SNTG2: variants seen among roughly 807,000 people sequenced by gnomAD.
SNTG2 encodes syntrophin gamma 2.
SNTG2 carries 74 observed loss-of-function variants against 70.9 expected under a neutral mutation model. That is an observed-to-expected ratio of 1.04 (90% CI 0.86 to 1.27). The LOEUF (loss-of-function observed/expected upper bound fraction) is 1.27, where lower values mean the gene tolerates loss of function less well. Ranked by LOEUF, SNTG2 falls within the 50% of genes most tolerant of loss-of-function variation. SNTG2 has a pLI of 0.00. For missense variants in SNTG2, 717 were observed against 690.7 expected, an observed-to-expected ratio of 1.04 and a Z score of -0.43; for synonymous variants, 278 against 273.8, an observed-to-expected ratio of 1.02 and a Z score of -0.15.
intron 1 of SNTG2, among the ~76,000 whole-genome samples, chr2:1,024,217 C>T (rs749415233): frequency 7.2e-5 from 11 of 151,864 alleles, no homozygotes; most frequent in Non-Finnish European, 1.3e-4. Flanking sequence ...TTTGAAAAAT[C>T]GTAATACTAA....
intron 8 of SNTG2, among the ~76,000 whole-genome samples, chr2:1,178,175 C>T (rs1356188761): frequency 6.6e-6 from 1 of 152,152 alleles, no homozygotes; most frequent in Non-Finnish European, 1.5e-5. Flanking sequence ...GACCATTGGG[C>T]TCTCTCTTGT....
At chr2:1,202,462 C>T (rs1010357304) in intron 8 of SNTG2, among the ~76,000 whole-genome samples, 7 of 140,394 alleles carry the variant, frequency 5.0e-5, no homozygotes, top group African/African-American at 2.1e-4. Context: ...AAAAGAGGAT[C>T]GTGAAAAAAA....
At chr2:1,231,865 T>C (rs1676274469) in intron 9 of SNTG2, among the ~76,000 whole-genome samples, 1 of 152,174 alleles carries the variant, frequency 6.6e-6, no homozygotes, top group Admixed American at 6.5e-5. Context: ...GGGCTGTTAG[T>C]GCTGGCCGTG....
intron 1 of SNTG2, among the ~76,000 whole-genome samples, chr2:1,069,013 CGG>C (rs886678958): frequency 7.2e-5 from 11 of 152,184 alleles, no homozygotes; most frequent in African/African-American, 2.7e-4. Flanking sequence ...ATTTGAAAGA[CGG>C]AATTTGTAAT....
chr2:1,187,136 A>G (rs1265397335), intron 8 of SNTG2, among the ~76,000 whole-genome samples: 3 of 152,230 alleles, frequency 2.0e-5, no homozygotes, highest in Non-Finnish European at 4.4e-5. Context: ...ATAATTAATG[A>G]TAATTTTCTG....
intron 8 of SNTG2, among the ~76,000 whole-genome samples, chr2:1,184,732 T>A (rs1172025279): frequency 1.3e-5 from 2 of 152,164 alleles, no homozygotes; most frequent in Non-Finnish European, 2.9e-5. Context: ...TTCAATCACC[T>A]CCCATCAGGC....
Position 1,209,185 on chromosome 2 carries a change from C to T in SNTG2, c.674C>T (p.Ser225Phe), listed in dbSNP as rs373126522. The T allele has an allele frequency of 3.1e-6, 5 of 1,613,836 alleles. No individual in the cohort carries two copies. Among genetic ancestry groups the T allele is most frequent in the Non-Finnish European group, 4.2e-6 (5 of 1,179,896 alleles). Residue 225 changes from serine to phenylalanine, a missense_variant, in exon 9 of 17, where the codon TCC becomes TTC. By Grantham distance (155) the Ser-to-Phe change is radical. Transcript: ENST00000308624. ...RWLDTLSVPL[S>F]MARISRYKAG... ...CTGGACACCTTGTCCGTGCCTCTGT[C>T]CATGGCTCGCATCTCAAGGTACAAA...
intron 4 of SNTG2, among the ~76,000 whole-genome samples, chr2:1,111,436 G>A (rs67412685): frequency 0.13 from 19,780 of 152,154 alleles, 1,674 homozygotes; most frequent in Non-Finnish European, 0.2. Context: ...GATTAGGACC[G>A]CAGGTGTGCA....
chr2:962,775 T>G (rs1428241564), intron 1 of SNTG2, among the ~76,000 whole-genome samples: 1 of 152,106 alleles, frequency 6.6e-6, no homozygotes, highest in African/African-American at 2.4e-5. Context: ...AAAGGAGATA[T>G]GGTGAGCCCT....
intron 1 of SNTG2, among the ~76,000 whole-genome samples, chr2:983,700 G>C (rs1165010131): frequency 6.6e-6 from 1 of 152,172 alleles, no homozygotes; most frequent in Non-Finnish European, 1.5e-5. Context: ...TCATGTCCCT[G>C]GTTGGATTTA....
At chr2:1,098,800 C>G (rs113032921) in intron 4 of SNTG2, among the ~76,000 whole-genome samples, 2 of 152,176 alleles carry the variant, frequency 1.3e-5, no homozygotes, top group East Asian at 3.8e-4. Flanking sequence ...AGCCTAAGAA[C>G]GTAATGAGCC....
intron 9 of SNTG2, among the ~76,000 whole-genome samples, chr2:1,233,140 C>T (rs1447395023): frequency 4.6e-5 from 7 of 152,162 alleles, no homozygotes; most frequent in Admixed American, 1.3e-4. Context: ...ATTAAAAAGG[C>T]GATTTACACA....
chr2:1,147,467 T>C (rs1031314212), intron 6 of SNTG2, among the ~76,000 whole-genome samples: 1 of 152,234 alleles, frequency 6.6e-6, no homozygotes, highest in African/African-American at 2.4e-5. Flanking sequence ...CTTTCTCCCA[T>C]GCTGGATGCT....
chr2:1,082,881 A>G (rs1427462431), intron 1 of SNTG2, among the ~76,000 whole-genome samples: 4 of 152,184 alleles, frequency 2.6e-5, no homozygotes, highest in African/African-American at 9.7e-5. Flanking sequence ...TGATAGATTT[A>G]TCTTCTTTGA....
intron 4 of SNTG2, among the ~76,000 whole-genome samples, chr2:1,102,905 C>A (rs766600408): frequency 2.0e-5 from 3 of 152,206 alleles, no homozygotes; most frequent in Non-Finnish European, 4.4e-5. Context: ...ACCTTGAATT[C>A]TTCGCGAAGT....
At chr2:1,005,400 G>A (rs1455381466) in intron 1 of SNTG2, among the ~76,000 whole-genome samples, 1 of 151,942 alleles carries the variant, frequency 6.6e-6, no homozygotes. Flanking sequence ...TAATGAAGGG[G>A]CTGTGCACAT....
intron 16 of SNTG2, among the ~76,000 whole-genome samples, chr2:1,361,689 AGC>A (rs1661158813): frequency 6.8e-6 from 1 of 146,230 alleles, no homozygotes; most frequent in Non-Finnish European, 1.5e-5. Context: ...ACCGACGCTG[AGC>A]ATTTCAGTAG....
At chr2:1,149,739 G>A (rs1327579018) in intron 6 of SNTG2, among the ~76,000 whole-genome samples, 3 of 148,794 alleles carry the variant, frequency 2.0e-5, no homozygotes, top group African/African-American at 7.5e-5. Context: ...CCAGGCTGGA[G>A]TGCAGTGGTG....
intron 9 of SNTG2, among the ~76,000 whole-genome samples, chr2:1,219,675 GGAAA>G (rs1487888329): frequency 1.3e-5 from 2 of 151,156 alleles, no homozygotes; most frequent in East Asian, 3.9e-4. Flanking sequence ...AAACATAGAA[GGAAA>G]GAAAGGGAAG....
Sources: gnomAD v4.1 joint callset for allele counts (sites outside exome capture counted in the v4.1 genomes callset) on GRCh38, gnomAD v4.1.1 for gene constraint, MANE v1.5 for transcripts, NCBI Gene and HGNC (gene_info 2026-07-23, HGNC 2026-07-21) for gene names.